The following PLXNA2 variants were observed in gnomAD, a reference collection of about 807,000 sequenced individuals.
PLXNA2 encodes the protein plexin-A2.
In PLXNA2, 91 loss-of-function variants were observed where a neutral mutation model predicts 193.5. The ratio of observed to expected loss-of-function variants is 0.47; its 90% CI spans 0.40 to 0.56. The LOEUF (loss-of-function observed/expected upper bound fraction) is 0.56. Among genes scored for constraint, PLXNA2 ranks in the 20% least tolerant of loss-of-function variants. The pLI, the probability that PLXNA2 is intolerant of heterozygous loss-of-function variation, is 0.00. For synonymous variants in PLXNA2, 997 were observed against 1,027.3 expected (o/e 0.97, Z 0.56); for missense variants, 1,995 against 2,503.2 (o/e 0.80, Z 4.33).
At chr1:208,042,533 C>T in intron 21 of PLXNA2, among the ~76,000 whole-genome samples, 167 bp from the exon 22 acceptor site, 1 of 152,204 alleles carries the variant, frequency 6.6e-6, no homozygotes, top group East Asian at 1.9e-4. Context: ...GATGTAGGAA[C>T]AGCTGGCTCT....
At chr1:208,048,467 C>T (rs1356796561) in intron 17 of PLXNA2, among the ~76,000 whole-genome samples, 2 of 152,226 alleles carry the variant, frequency 1.3e-5, no homozygotes, top group African/African-American at 2.4e-5. Flanking sequence ...GGTCTGCCAG[C>T]CTGTAGATAC....
chr1:208,063,730 C>A (rs763174776), intron 12 of PLXNA2, among the ~76,000 whole-genome samples: 24 of 152,172 alleles, frequency 1.6e-4, no homozygotes, highest in Non-Finnish European at 1.2e-4. Context: ...CTGGGGCTTA[C>A]AGGAGACACA....
intron 4 of PLXNA2, among the ~76,000 whole-genome samples, chr1:208,133,010 C>T (rs192245932): frequency 3.9e-4 from 59 of 152,328 alleles, no homozygotes; most frequent in South Asian, 2.9e-3. Flanking sequence ...GTCTGCTTCT[C>T]CACATTCGGC....
chr1:208,233,708 C>T (rs970196240), intron 1 of PLXNA2, among the ~76,000 whole-genome samples: 1 of 152,266 alleles, frequency 6.6e-6, no homozygotes, highest in Non-Finnish European at 1.5e-5. Context: ...AGTTTGCAGG[C>T]AGCTGCTTGG....
chr1:208,072,230 G>T (rs1665999349), intron 12 of PLXNA2, among the ~76,000 whole-genome samples: 1 of 152,204 alleles, frequency 6.6e-6, no homozygotes, highest in South Asian at 2.1e-4. Flanking sequence ...TGTTGGAGAA[G>T]TTACTGAGGC....
At chr1:208,079,129 T>C (rs2102380985) in intron 12 of PLXNA2, 131 bp downstream of exon 12, 2 of 752,932 alleles carry the variant, frequency 2.7e-6, no homozygotes, top group Non-Finnish European at 2.2e-6. Flanking sequence ...AGAGGTTTCC[T>C]ACACCCCCCC....
intron 12 of PLXNA2, among the ~76,000 whole-genome samples, chr1:208,078,644 C>T (rs1015360655): frequency 5.3e-5 from 8 of 152,154 alleles, no homozygotes; most frequent in African/African-American, 1.9e-4. Flanking sequence ...CTCTCCCAGG[C>T]CATTTGAAAC....
In PLXNA2 at chr1:208,154,259, G is replaced by A. The variant is rs539209780; in HGVS notation, c.1372-11796C>T. Among the ~76,000 whole-genome samples, 162 of 152,328 alleles carry A rather than the reference G, an allele frequency of 1.1e-3. 2 individuals carry two copies. In the Middle Eastern group the frequency reaches 0.017, roughly 16 times the overall value. On this transcript the variant is annotated intron_variant, in intron 3 of 31. Coordinates refer to ENST00000367033, the MANE Select transcript of PLXNA2 (RefSeq NM_025179.4). ...GCTGGGTACAGTACAGCAGGTGCCC[G>A]GATCTCACCGCAGAGTGGGAGGAAG...
chr1:208,030,737 G>C, intron 29 of PLXNA2: 1 of 985,402 alleles, frequency 1.0e-6, no homozygotes, highest in Non-Finnish European at 1.2e-6. Flanking sequence ...AGACAGCTGC[G>C]TGGGCTGCCT....
At position 208,085,084 on chromosome 1, in the gene PLXNA2, G is replaced by GTT. The variant is rs56180457; in HGVS notation, c.2098-506_2098-505dup. Among the ~76,000 whole-genome samples the GTT allele has an allele frequency of 2.8e-3, 399 of 144,752 alleles. 1 individual carries two copies. Among genetic ancestry groups the GTT allele is most frequent in the African/African-American group, 5.2e-3 (205 of 39,206 alleles). The allele number at this position is 144,752 out of a possible 152,430, so 95.0% of individuals were successfully genotyped here. On this transcript the variant is annotated intron_variant, in intron 9 of 31. Transcript: ENST00000367033. ...CAGCAATACTCTAAACACTTGCTCT[G>GTT]TTTTTTTTTTTTTTTAATCTCATTT...
At chr1:208,083,615 C>A (rs183355662) in intron 10 of PLXNA2, among the ~76,000 whole-genome samples, 19 of 152,180 alleles carry the variant, frequency 1.2e-4, no homozygotes, top group African/African-American at 4.3e-4. Context: ...CTCTCCCAGG[C>A]GAATTAGCTT....
Position 208,082,490 on chromosome 1 carries a change from C to T in PLXNA2, c.2317G>A (p.Asp773Asn), listed in dbSNP as rs536600191. The T allele has an allele frequency of 7.7e-4, 1,244 of 1,613,980 alleles. 19 individuals are homozygous for T. The South Asian group carries it at 0.013, about 16-fold the overall frequency. ...AAATCCACGGCCAGATTGCTGATGT[C>T]CATGCCATCATACTGGTACTATAGG... Reference protein sequence around the residue: ...QNSSYQYDGMDISNLAVDFAV... With the variant: ...QNSSYQYDGMNISNLAVDFAV... The change falls in exon 11 of 32, where the codon GAC becomes AAC. Residue 773 changes from aspartate to asparagine, a missense_variant. By Grantham distance (23) the Asp-to-Asn change is conservative. This residue lies in a region of PLXNA2 where 1,291 missense variants were observed against 1,673.6 expected (regional missense o/e 0.77). Transcript: ENST00000367033. This position sits in a 1 kb window ranked among gnomAD's most constrained non-coding sequence, Gnocchi z 4.2.
intron 13 of PLXNA2, among the ~76,000 whole-genome samples, chr1:208,058,393 G>A (rs543149320): frequency 1.9e-4 from 29 of 152,318 alleles, no homozygotes; most frequent in African/African-American, 6.3e-4. Flanking sequence ...AGATGGCGCA[G>A]CACAAGCATA....
At chr1:208,149,641 T>A (rs953320095) in intron 3 of PLXNA2, among the ~76,000 whole-genome samples, 14 of 151,954 alleles carry the variant, frequency 9.2e-5, no homozygotes, top group Non-Finnish European at 1.5e-4. Flanking sequence ...GAGGGCCTGG[T>A]GCTGCTGAGG....
At chr1:208,154,754 C>T (rs962249079) in intron 3 of PLXNA2, among the ~76,000 whole-genome samples, 3 of 152,174 alleles carry the variant, frequency 2.0e-5, no homozygotes, top group African/African-American at 7.2e-5. Context: ...GATTGTCCAG[C>T]GAAGGCTGAT....
intron 1 of PLXNA2, among the ~76,000 whole-genome samples, chr1:208,221,117 C>A (rs753782483): frequency 2.1e-4 from 32 of 152,186 alleles, no homozygotes; most frequent in Non-Finnish European, 2.8e-4. Flanking sequence ...GACTCAGGAA[C>A]CCTGGGTTCA....
rs560697376 is a variant in PLXNA2, at chr1:208,231,587, C to G, written c.-81+12056G>C. On this transcript the variant is annotated intron_variant, in intron 1 of 31. Transcript: ENST00000367033. ...AAAACCTTTCTTCTGATGTTTGGTT[C>G]TGAGTGTGCAAGGGACCCCACTGTA... Among the ~76,000 whole-genome samples the G allele has an allele frequency of 1.7e-3, 258 of 152,300 alleles. 1 individual carries two copies. The highest frequency in any genetic ancestry group is 5.9e-3 in the African/African-American group (247 of 41,560).
chr1:208,193,134 A>G (rs114551099), intron 3 of PLXNA2, among the ~76,000 whole-genome samples: 143 of 152,350 alleles, frequency 9.4e-4, no homozygotes, highest in Non-Finnish European at 1.7e-3. Context: ...AGGGAGGGTC[A>G]TAAGGTTTTG....
In PLXNA2 at chr1:208,042,175, A is replaced by G. The variant is rs776725273; in HGVS notation, c.4209T>C (p.Asp1403=). The G allele has an allele frequency of 6.2e-6, 10 of 1,614,220 alleles. No individual in the cohort carries two copies. The Admixed American group carries it at 1.7e-4, about 27-fold the overall frequency. Residue 1403 remains aspartate (D), a synonymous_variant, in exon 22 of 32, where the codon GAT becomes GAC. Coordinates refer to ENST00000367033, the MANE Select transcript of PLXNA2 (RefSeq NM_025179.4). ...GGTCAGAGAGCAGCTGCTTGAGGAC[A>G]TCAGTGGCATATTCCAGGCGGCCCT... ...GLQGRLEYAT[D]VLKQLLSDLI...
Sources: allele counts gnomAD v4.1 joint callset (sites outside exome capture counted in the v4.1 genomes callset), GRCh38; gene constraint gnomAD v4.1.1; regional missense constraint gnomAD v4.1.1; non-coding constraint Gnocchi (gnomAD v3.1); transcripts MANE v1.5; gene names NCBI Gene and HGNC (gene_info 2026-07-23, HGNC 2026-07-21).